Variants in CDK5RAP2 observed in about 807,000 individuals in gnomAD.
CDK5RAP2 encodes the protein CDK5 regulatory subunit-associated protein 2.
A neutral mutation model predicts 232.9 loss-of-function variants in CDK5RAP2; 147 were observed. That is an observed-to-expected ratio of 0.63 (90% CI 0.55 to 0.72). The LOEUF is 0.72. Ranked by LOEUF, CDK5RAP2 falls within the 30% of genes least tolerant of loss-of-function variation. CDK5RAP2 has a pLI of 0.00. For synonymous variants in CDK5RAP2, 833 were observed against 833.7 expected (o/e 1.00, Z 0.01); for missense variants, 2,195 against 2,231.5 (o/e 0.98, Z 0.33).
chr9:120,503,765 C>T lies in CDK5RAP2; in HGVS notation c.1312-12288G>A, dbSNP rs116334009. On this transcript the variant is annotated intron_variant, in intron 12 of 37. Coordinates refer to ENST00000349780, the MANE Select transcript of CDK5RAP2 (RefSeq NM_018249.6). ...GAAGCTAATGCAGAGCAAATGAAGCCGTGTCACCTCTCTCTGTCCCCACAT... is the reference window on the plus strand; with the variant it reads ...GAAGCTAATGCAGAGCAAATGAAGCTGTGTCACCTCTCTCTGTCCCCACAT... Among the ~76,000 whole-genome samples the T allele has an allele frequency of 7.3e-3, 1,111 of 152,168 alleles. 12 individuals are homozygous for T. The highest frequency in any genetic ancestry group is 0.025 in the African/African-American group (1,021 of 41,500).
chr9:120,427,077 T>C (rs570764554), intron 25 of CDK5RAP2, among the ~76,000 whole-genome samples: 4 of 152,308 alleles, frequency 2.6e-5, no homozygotes, highest in African/African-American at 9.6e-5. Flanking sequence ...GGTTGATGTA[T>C]CTTCCTGAGC....
intron 30 of CDK5RAP2, among the ~76,000 whole-genome samples, chr9:120,408,735 C>T (rs1487230703): frequency 6.6e-6 from 1 of 152,252 alleles, no homozygotes; most frequent in East Asian, 1.9e-4. Context: ...ATCCTGCCAG[C>T]CCCCTCTCCA....
chr9:120,547,042 A>G (rs764198029), intron 4 of CDK5RAP2, among the ~76,000 whole-genome samples: 3 of 151,360 alleles, frequency 2.0e-5, no homozygotes, highest in Admixed American at 6.6e-5. Flanking sequence ...TCTGGAGTGC[A>G]GTGGTGCGAT....
intron 18 of CDK5RAP2, among the ~76,000 whole-genome samples, chr9:120,464,782 T>C (rs1007230000): frequency 6.6e-6 from 1 of 152,112 alleles, no homozygotes; most frequent in Non-Finnish European, 1.5e-5. Context: ...AAAATTAAAA[T>C]AGCTGTTTTA....
intron 6 of CDK5RAP2, among the ~76,000 whole-genome samples, chr9:120,537,085 T>TTG (rs2041426734): frequency 6.6e-6 from 1 of 152,066 alleles, no homozygotes; most frequent in Non-Finnish European, 1.5e-5. Flanking sequence ...AAAAAGGCCC[T>TTG]TGTGGTCATG....
chr9:120,441,352 T>C (rs1459719813), intron 23 of CDK5RAP2, among the ~76,000 whole-genome samples: 1 of 152,062 alleles, frequency 6.6e-6, no homozygotes, highest in African/African-American at 2.4e-5. Flanking sequence ...ATCTGTAAAA[T>C]GGAAAGAACA....
At chr9:120,447,382 C>A (rs927634501) in intron 22 of CDK5RAP2, among the ~76,000 whole-genome samples, 5 of 152,208 alleles carry the variant, frequency 3.3e-5, no homozygotes, top group African/African-American at 1.2e-4. Flanking sequence ...TATTCAGGTA[C>A]ATTTTAACAC....
Position 120,403,021 on chromosome 9 carries a change from C to T in CDK5RAP2, c.5092G>A (p.Asp1698Asn). The T allele has an allele frequency of 3.1e-6, 5 of 1,614,086 alleles. No individual in the cohort carries two copies. Among genetic ancestry groups the T allele is most frequent in the Non-Finnish European group, 4.2e-6 (5 of 1,179,996 alleles). The change falls in exon 34 of 38, where the codon GAC (aspartate) becomes AAC (asparagine). Residue 1698 changes from aspartate to asparagine, a missense_variant. Coordinates refer to ENST00000349780, the MANE Select transcript of CDK5RAP2 (RefSeq NM_018249.6). The surrounding 1 kb of genome is among the most constrained non-coding windows in gnomAD (Gnocchi z 4.2). ...GTGCTAGTTGCCGAACTGCCACTGTCGCAGGAGAGGGAGTCCGTGTCATTC... is the reference window on the plus strand; with the variant it reads ...GTGCTAGTTGCCGAACTGCCACTGTTGCAGGAGAGGGAGTCCGTGTCATTC... The part of the protein sequence containing the change: ...SGNDTDSLSC[D>N]SGSSATSTPC...
rs745541294 is a variant in CDK5RAP2, at chr9:120,453,765, C to T, written c.2484G>A (p.Lys828=). Residue 828 remains lysine, a synonymous_variant, in exon 21 of 38, where the codon AAG becomes AAA. Transcript: ENST00000349780. ...CAAAATGTACAAGTTCACCTTTTTG[C>T]TTAGGTGTCTTCTCAGTTTTACCAT... is the stretch of plus-strand genomic sequence containing the variant. The part of the protein sequence containing the change: ...HLDGKTEKTP[K]QKGELVHFVQ... The T allele has an allele frequency of 1.1e-5, 17 of 1,614,186 alleles. No homozygotes were observed. Among genetic ancestry groups the T allele is most frequent in the African/African-American group, 2.7e-5 (2 of 75,044 alleles).
At chr9:120,509,746 C>T (rs1369995112) in intron 12 of CDK5RAP2, among the ~76,000 whole-genome samples, 1 of 152,142 alleles carries the variant, frequency 6.6e-6, no homozygotes, top group East Asian at 1.9e-4. Flanking sequence ...AACAACTAAT[C>T]GCTATTATTC....
chr9:120,546,952 T>C (rs2041865790), intron 4 of CDK5RAP2, among the ~76,000 whole-genome samples: 1 of 151,574 alleles, frequency 6.6e-6, no homozygotes, highest in Non-Finnish European at 1.5e-5. Flanking sequence ...CAATTTTATA[T>C]TCTACTCCAT....
At position 120,448,120 on chromosome 9, in the gene CDK5RAP2, T is replaced by C; in HGVS notation, c.2800A>G (p.Lys934Glu). 2 of 1,613,016 alleles carry C rather than the reference T, an allele frequency of 1.2e-6. No homozygotes were observed. Among genetic ancestry groups the C allele is most frequent in the Non-Finnish European group, 1.7e-6 (2 of 1,178,956 alleles). The part of the protein sequence containing the change: ...SLPGITNREA[K>E]KSRLPILIKP... Reference sequence around the variant, plus strand: ...ATTAGGATTGGCAAGCGGGACTTCTTAGCCTCCTGAAAACACACATATGCA... The same window carrying C: ...ATTAGGATTGGCAAGCGGGACTTCTCAGCCTCCTGAAAACACACATATGCA... Residue 934 changes from lysine (K) to glutamate (E), a missense_variant, in exon 22 of 38, where the codon AAG becomes GAG. By Grantham distance (56) the Lys-to-Glu change is moderately conservative. Transcript: ENST00000349780.
chr9:120,547,167 T>G (rs2041877967), intron 4 of CDK5RAP2, among the ~76,000 whole-genome samples: 1 of 151,960 alleles, frequency 6.6e-6, no homozygotes, highest in Non-Finnish European at 1.5e-5. Context: ...TTTTTGTATT[T>G]TTAGTTGAGA....
intron 1 of CDK5RAP2, among the ~76,000 whole-genome samples, chr9:120,578,696 G>A (rs955821807): frequency 5.9e-5 from 9 of 151,638 alleles, no homozygotes; most frequent in South Asian, 2.1e-4. Context: ...CCTCCCGAGC[G>A]GCTGGGACTA....
At chr9:120,533,057 G>A (rs936219646) in intron 7 of CDK5RAP2, among the ~76,000 whole-genome samples, 7 of 152,094 alleles carry the variant, frequency 4.6e-5, no homozygotes, top group Admixed American at 6.5e-5. Flanking sequence ...CACCCAACTC[G>A]CAGGACTCCT....
At chr9:120,406,836 C>T (rs2033475265) in intron 32 of CDK5RAP2, 176 bp downstream of exon 32, 1 of 607,464 alleles carries the variant, frequency 1.6e-6, no homozygotes, top group Non-Finnish European at 2.9e-6. Flanking sequence ...CGCCACTTTG[C>T]CCAAGGTGAC....
At chr9:120,399,213 T>A (rs776245389) in intron 35 of CDK5RAP2, among the ~76,000 whole-genome samples, 1 of 152,218 alleles carries the variant, frequency 6.6e-6, no homozygotes, top group Non-Finnish European at 1.5e-5. Context: ...TGTGTGTATA[T>A]ATATTTTATA....
At chr9:120,466,637 A>G (rs536941501) in intron 18 of CDK5RAP2, among the ~76,000 whole-genome samples, 4 of 152,294 alleles carry the variant, frequency 2.6e-5, no homozygotes, top group African/African-American at 9.6e-5. Context: ...GAGGAAGCAA[A>G]TCATACTTGT....
At chr9:120,513,920 G>C (rs969443152) in intron 12 of CDK5RAP2, among the ~76,000 whole-genome samples, 4 of 152,170 alleles carry the variant, frequency 2.6e-5, no homozygotes, top group Non-Finnish European at 5.9e-5. Context: ...GGTAAGCTAT[G>C]CAAGGCTAGT....
Sources: gnomAD v4.1 joint callset for allele counts (sites outside exome capture counted in the v4.1 genomes callset) on GRCh38, gnomAD v4.1.1 for gene constraint, Gnocchi (gnomAD v3.1) non-coding constraint, MANE v1.5 for transcripts, NCBI Gene and HGNC (gene_info 2026-07-23, HGNC 2026-07-21) for gene names.